VPS25: variants seen among roughly 807,000 people sequenced by gnomAD.
VPS25 encodes vacuolar protein-sorting-associated protein 25.
Under a neutral mutation model 30.3 loss-of-function variants are expected in VPS25, and 21 were observed. That is an observed-to-expected ratio of 0.69 (90% confidence interval 0.49 to 1.00). The LOEUF (loss-of-function observed/expected upper bound fraction) is 1.00, where lower values mean the gene tolerates loss of function less well. Among genes scored for constraint, VPS25 ranks in the 50% least tolerant of loss-of-function variants. The pLI, the probability that VPS25 is intolerant of heterozygous loss-of-function variation, is 0.00. For synonymous variants in VPS25, 101 were observed against 88.1 expected, an observed-to-expected ratio of 1.15 and a Z score of -0.82; for missense variants, 156 against 217.2, an observed-to-expected ratio of 0.72 and a Z score of 1.77.
At position 42,779,229 on chromosome 17, in the gene VPS25, A is replaced by G; in HGVS notation, c.*160A>G. ...CCTGGGGATGGGTTTCTCACACCCC[A>G]TATGTCTGTCCCTTGGATAGGGTGA... On this transcript the variant is annotated 3_prime_UTR_variant, in exon 6 of 6. Coordinates refer to ENST00000253794, the MANE Select transcript of VPS25 (RefSeq NM_032353.4). 8.0e-6 allele frequency: 5 copies of G among 625,322 alleles called. 1 individual carries two copies. The highest frequency in any genetic ancestry group is 7.3e-5 in the South Asian group (4 of 54,678). The allele number at this position is 625,322 out of a possible 1,614,324, so 38.7% of individuals were successfully genotyped here.
intron 1 of VPS25, 89 bp downstream of exon 1, chr17:42,773,617 G>A (rs1568022505): frequency 1.2e-6 from 2 of 1,607,232 alleles, no homozygotes; most frequent in African/African-American, 1.3e-5. Flanking sequence ...ATGGGGAGGG[G>A]GAGAAAAGAC....
chr17:42,779,184 T>A lies in VPS25; in HGVS notation c.*115T>A. ...GTGACTCCACCAGACTCAAAAGGAC[T>A]CCAGTCCTGAAGGCTGGGACCTGGG... On this transcript the variant is annotated 3_prime_UTR_variant, in exon 6 of 6. Transcript: ENST00000253794. The A allele has an allele frequency of 1.0e-6, 1 of 953,816 alleles. No homozygotes were observed. The highest frequency in any genetic ancestry group is 2.1e-5 in the Admixed American group (1 of 47,678). The allele number at this position is 953,816 out of a possible 1,614,324, so 59.1% of individuals were successfully genotyped here.
chr17:42,779,163 C>T lies in VPS25; in HGVS notation c.*94C>T. 8.6e-7 allele frequency: 1 copy of T among 1,166,948 alleles called. No homozygotes were observed. The highest frequency in any genetic ancestry group is 1.2e-6 in the Non-Finnish European group (1 of 808,078). 72.3% of individuals were successfully genotyped at this position (1,166,948 alleles called of 1,614,324 possible). Reference sequence around the variant, plus strand: ...TGTCCCCCAAAGACTGGATCTGTGACTCCACCAGACTCAAAAGGACTCCAG... The same window carrying T: ...TGTCCCCCAAAGACTGGATCTGTGATTCCACCAGACTCAAAAGGACTCCAG... On this transcript the variant is annotated 3_prime_UTR_variant, in exon 6 of 6. Coordinates refer to ENST00000253794, the MANE Select transcript of VPS25 (RefSeq NM_032353.4).
At chr17:42,775,253 T>C (rs1304158606) in intron 3 of VPS25, 128 bp from the exon 4 acceptor site, 5 of 653,470 alleles carry the variant, frequency 7.7e-6, no homozygotes, top group Non-Finnish European at 1.3e-5. Context: ...TTGTATTTTC[T>C]GTAGGGTCTC....
Position 42,779,388 on chromosome 17 carries a change from C to T in VPS25, c.*319C>T, listed in dbSNP as rs774577049. The stretch of plus-strand genomic sequence containing the variant: ...ACACATGTAAGTACATACACACATG[C>T]GCCTGCAGCACATGCTTCTGTCTCC... On this transcript the variant is annotated 3_prime_UTR_variant, in exon 6 of 6. Coordinates refer to ENST00000253794, the MANE Select transcript of VPS25 (RefSeq NM_032353.4). 1.8e-4 allele frequency: 44 copies of T among 244,784 alleles called. No homozygotes were observed. The highest frequency in any genetic ancestry group is 1.4e-3 in the East Asian group (16 of 11,608). The allele number at this position is 244,784 out of a possible 1,614,324, so 15.2% of individuals were successfully genotyped here.
rs958591904 is a variant in VPS25, at chr17:42,779,311, C to T, written c.*242C>T. On this transcript the variant is annotated 3_prime_UTR_variant, in exon 6 of 6. Transcript: ENST00000253794. The stretch of plus-strand genomic sequence containing the variant: ...CTTCTCGCCCTACCTCCTTTCCCAT[C>T]CTAGACTGTCCTTGAGCCAGGGTCT... The T allele has an allele frequency of 1.5e-5, 7 of 459,320 alleles. No homozygotes were observed. The highest frequency in any genetic ancestry group is 1.5e-4 in the South Asian group (7 of 46,980). The allele number at this position is 459,320 out of a possible 1,614,324, so 28.5% of individuals were successfully genotyped here.
chr17:42,774,427 G>C (rs1035607662), intron 2 of VPS25: 1 of 350,916 alleles, frequency 2.8e-6, no homozygotes, highest in Non-Finnish European at 5.1e-6. Context: ...AGGCTGGAAT[G>C]CAGTGGCACA....
At chr17:42,775,499 C>T (rs1010373524) in intron 4 of VPS25, 30 bp downstream of exon 4, 1 of 1,570,818 alleles carries the variant, frequency 6.4e-7, no homozygotes, top group Non-Finnish European at 8.8e-7. Flanking sequence ...AAGTATTCAA[C>T]AGTGACCCAT....
At chr17:42,777,271 T>C (rs919569314) in intron 5 of VPS25, among the ~76,000 whole-genome samples, 5 of 152,110 alleles carry the variant, frequency 3.3e-5, no homozygotes, top group African/African-American at 1.2e-4. Context: ...TCCCAGCACT[T>C]TGGGAGGCCG....
intron 2 of VPS25, 63 bp from the exon 3 acceptor site, chr17:42,774,583 T>C: frequency 6.9e-7 from 1 of 1,444,948 alleles, no homozygotes; most frequent in Non-Finnish European, 9.7e-7. Context: ...AACATGGGAC[T>C]GGCTCTGAAA....
At chr17:42,777,986 C>T (rs2054445471) in intron 5 of VPS25, among the ~76,000 whole-genome samples, 1 of 152,062 alleles carries the variant, frequency 6.6e-6, no homozygotes, top group Admixed American at 6.6e-5. Context: ...CCCATGATTT[C>T]AGCACTGTAG....
intron 2 of VPS25, 187 bp downstream of exon 2, chr17:42,774,065 G>A: frequency 1.5e-6 from 1 of 647,280 alleles, no homozygotes; most frequent in Non-Finnish European, 2.5e-6. Context: ...ATACCCTCTT[G>A]TTCTTGGCAG....
rs540955225 is a variant in VPS25 at position 42,777,175 on chromosome 17, C to T, written c.418+855C>T. On this transcript the variant is annotated intron_variant, in intron 5 of 5. Transcript: ENST00000253794. ...TCAAGGCTGCAGTGAGCTATGATCA[C>T]GCCACTGCACTCCAGCCTGGGCAAC... Among the ~76,000 whole-genome samples the T allele has an allele frequency of 7.9e-5, 12 of 152,088 alleles. No homozygotes were observed. In the East Asian group the frequency reaches 2.3e-3, roughly 29 times the overall value.
Position 42,778,942 on chromosome 17 carries a change from T to C in VPS25, c.419-15T>C. The C allele has an allele frequency of 6.2e-7, 1 of 1,612,672 alleles. No individual in the cohort carries two copies. The highest frequency in any genetic ancestry group is 8.5e-7 in the Non-Finnish European group (1 of 1,178,936). On this transcript the variant is annotated splice_polypyrimidine_tract_variant and intron_variant, in intron 5 of 5. Coordinates refer to ENST00000253794, the MANE Select transcript of VPS25 (RefSeq NM_032353.4). ...CTCAGGAGCTGATTGTCTCTGCCTA[T>C]CTCTCCCTGTTCAGAGTTCCACGGG...
At chr17:42,776,449 G>A (rs546075236) in intron 5 of VPS25, 129 bp downstream of exon 5, 486 of 776,282 alleles carry the variant, frequency 6.3e-4, no homozygotes, top group Middle Eastern at 1.2e-3. Context: ...TGCAACCTCC[G>A]CCTCCTAGGT....
At chr17:42,774,935 G>T (rs530273123) in intron 3 of VPS25, 40 of 440,624 alleles carry the variant, frequency 9.1e-5, no homozygotes, top group Non-Finnish European at 8.1e-6. Flanking sequence ...GTGCCTTGTA[G>T]ATAATAATAG....
chr17:42,775,368 A>G lies in VPS25; in HGVS notation c.254-13A>G, dbSNP rs760600231. 3.1e-6 allele frequency: 5 copies of G among 1,610,788 alleles called. No individual in the cohort carries two copies. The East Asian group carries it at 8.9e-5, about 29-fold the overall frequency. On this transcript the variant is annotated splice_polypyrimidine_tract_variant and intron_variant, in intron 3 of 5. Transcript: ENST00000253794. The stretch of plus-strand genomic sequence containing the variant: ...CGCGCCTGGTTATGCTTTCATAAGT[A>G]TCTGTTTTACAGGGAACCTCGAGTG...
intron 3 of VPS25, 80 bp downstream of exon 3, chr17:42,774,779 C>A (rs2054427781): frequency 7.6e-7 from 1 of 1,314,806 alleles, no homozygotes; most frequent in Non-Finnish European, 1.1e-6. Flanking sequence ...GTCTTTTTCC[C>A]TTTAATAACT....
chr17:42,773,603 T>C, intron 1 of VPS25, 75 bp downstream of exon 1: 1 of 1,608,662 alleles, frequency 6.2e-7, no homozygotes, highest in Non-Finnish European at 8.5e-7. Context: ...CCCTGATGCT[T>C]CATATGGGGA....
Sources: allele counts gnomAD v4.1 joint callset (sites outside exome capture counted in the v4.1 genomes callset), GRCh38; gene constraint gnomAD v4.1.1; transcripts MANE v1.5; gene names NCBI Gene and HGNC (gene_info 2026-07-23, HGNC 2026-07-21).